RBFOX1: variants seen among roughly 807,000 people sequenced by gnomAD.
RBFOX1 encodes the protein RNA binding protein fox-1 homolog 1.
RBFOX1 carries 8 observed loss-of-function variants against 57.7 expected under a neutral mutation model. That is an observed-to-expected ratio of 0.14 (90% confidence interval 0.08 to 0.25). RBFOX1 has a LOEUF of 0.25. Ranked by LOEUF, RBFOX1 falls within the 10% of genes least tolerant of loss-of-function variation. RBFOX1 has a pLI of 1.00. For missense variants in RBFOX1, 611 were observed against 548.5 expected (o/e 1.11, Z -1.14); for synonymous variants, 326 against 222.4 (o/e 1.47, Z -4.15).
At chr16:6,686,701 A>G (rs1281413944) in intron 3 of RBFOX1, among the ~76,000 whole-genome samples, 4 of 152,152 alleles carry the variant, frequency 2.6e-5, no homozygotes, top group Non-Finnish European at 2.9e-5. Flanking sequence ...AAGGGAACGC[A>G]ATTGTGAGAC....
At chr16:5,462,291 C>T (rs1218011718) in intron 1 of RBFOX1, among the ~76,000 whole-genome samples, 2 of 151,786 alleles carry the variant, frequency 1.3e-5, no homozygotes, top group African/African-American at 4.8e-5. Context: ...GCCTCAGCCT[C>T]CCGAGTAGCT....
At chr16:6,961,166 A>C (rs541968372) in intron 3 of RBFOX1, among the ~76,000 whole-genome samples, 348 of 37,960 alleles carry the variant, frequency 9.2e-3, no homozygotes, top group Non-Finnish European at 0.017. Flanking sequence ...CACACACGCA[A>C]AAGAAAGAAA....
chr16:5,486,637 G>C (rs183980809), intron 2 of RBFOX1, among the ~76,000 whole-genome samples: 25 of 152,258 alleles, frequency 1.6e-4, no homozygotes, highest in Non-Finnish European at 3.1e-4. Context: ...TCCCCCATTA[G>C]CTTGACTTGT....
chr16:7,094,737 T>C lies in RBFOX1; in HGVS notation c.27+42639T>C, dbSNP rs563509184. 3.1e-5 allele frequency among the ~76,000 whole-genome samples: 4 copies of C among 128,720 alleles called. No individual in the cohort carries two copies. In the South Asian group the frequency reaches 1.2e-3, roughly 38 times the overall value. 84.4% of individuals were successfully genotyped at this position (128,720 alleles called of 152,430 possible). A position where few individuals can be genotyped will look rare whatever the true frequency, so the allele number is the denominator to read the frequency against. On this transcript the variant is annotated intron_variant, in intron 4 of 15. Transcript: ENST00000550418. ...CTGATGAACTGAAATAAGGGCAGAC[T>C]GTACAGCTGTGTGTGTGTGTGTGTG...
chr16:6,994,422 C>G (rs2091961126), intron 3 of RBFOX1, among the ~76,000 whole-genome samples: 4 of 152,198 alleles, frequency 2.6e-5, no homozygotes, highest in Non-Finnish European at 1.5e-5. Flanking sequence ...TTCAGGCACC[C>G]AATTGTAAAA....
chr16:7,132,244 G>T (rs988806076), intron 4 of RBFOX1, among the ~76,000 whole-genome samples: 2 of 151,952 alleles, frequency 1.3e-5, no homozygotes, highest in Non-Finnish European at 2.9e-5. Context: ...GCCTCCCAAA[G>T]TGCTGGGATT....
In RBFOX1 at chr16:5,424,908, T is replaced by TCTCTC. The variant is rs1453822368; in HGVS notation, c.220-42308_220-42307insCTCTC. On this transcript the variant is annotated intron_variant, in intron 1 of 2. Transcript: ENST00000585867. ...CTTTCTTTCTTTCTTTCTTTCTTTC[T>TCTCTC]TTCTTTCTTTCTTTCTTTCTTTCTT... Among the ~76,000 whole-genome samples, 93 of 105,672 alleles carry TCTCTC rather than the reference T, an allele frequency of 8.8e-4. 2 individuals carry two copies. Among genetic ancestry groups the TCTCTC allele is most frequent in the African/African-American group, 2.6e-3 (66 of 24,934 alleles). 69.3% of individuals were successfully genotyped at this position (105,672 alleles called of 152,430 possible). A position where few individuals can be genotyped will look rare whatever the true frequency, so the allele number is the denominator to read the frequency against.
At chr16:7,007,747 T>C (rs1301388534) in intron 3 of RBFOX1, among the ~76,000 whole-genome samples, 1 of 152,212 alleles carries the variant, frequency 6.6e-6, no homozygotes, top group Non-Finnish European at 1.5e-5. Flanking sequence ...AATCATCTCA[T>C]TTCCCTACAT....
chr16:7,103,857 C>G (rs965421583), intron 4 of RBFOX1, among the ~76,000 whole-genome samples: 11 of 152,098 alleles, frequency 7.2e-5, no homozygotes, highest in African/African-American at 2.7e-4. Flanking sequence ...GTACTATTAC[C>G]TAGTGATACC....
chr16:6,568,012 G>C (rs2097291476), intron 2 of RBFOX1, among the ~76,000 whole-genome samples: 1 of 152,090 alleles, frequency 6.6e-6, no homozygotes, highest in Non-Finnish European at 1.5e-5. Context: ...TGTAGAGGTA[G>C]GGTCTGACTA....
chr16:7,633,665 G>A (rs1387568291), intron 11 of RBFOX1, among the ~76,000 whole-genome samples: 1 of 152,138 alleles, frequency 6.6e-6, no homozygotes, highest in Non-Finnish European at 1.5e-5. Context: ...GCATTCAGAT[G>A]GTCAATCTCG....
intron 4 of RBFOX1, among the ~76,000 whole-genome samples, chr16:7,165,758 G>C (rs965417286): frequency 2.0e-5 from 3 of 151,868 alleles, no homozygotes; most frequent in Non-Finnish European, 4.4e-5. Context: ...ATTTAACTTT[G>C]TTCTCCAATT....
chr16:5,572,155 C>T (rs1280135877), intron 2 of RBFOX1, among the ~76,000 whole-genome samples: 2 of 152,126 alleles, frequency 1.3e-5, no homozygotes, highest in Non-Finnish European at 2.9e-5. Context: ...CTAGGTGGTC[C>T]GTGGAGCCAT....
At chr16:6,230,178 A>G (rs2097448034) in intron 1 of RBFOX1, among the ~76,000 whole-genome samples, 1 of 152,228 alleles carries the variant, frequency 6.6e-6, no homozygotes, top group Admixed American at 6.5e-5. Flanking sequence ...TGCTAGAAGC[A>G]TAGAAGAGAT....
chr16:6,167,808 A>G (rs556661924), intron 1 of RBFOX1, among the ~76,000 whole-genome samples: 2 of 152,260 alleles, frequency 1.3e-5, no homozygotes, highest in African/African-American at 4.8e-5. Flanking sequence ...CAGAAGATGT[A>G]GGGTGCCCCA....
intron 2 of RBFOX1, among the ~76,000 whole-genome samples, chr16:6,386,020 C>T (rs1454536252): frequency 1.3e-5 from 2 of 151,698 alleles, no homozygotes; most frequent in Admixed American, 6.6e-5. Context: ...ACTGCAAGCT[C>T]CGCCTCCCGG....
Position 7,149,913 on chromosome 16 carries a change from C to T in RBFOX1, c.27+97815C>T, listed in dbSNP as rs140518365. 4.3e-3 allele frequency among the ~76,000 whole-genome samples: 661 copies of T among 152,302 alleles called. 2 individuals carry two copies. Among genetic ancestry groups the T allele is most frequent in the African/African-American group, 0.015 (633 of 41,568 alleles). On this transcript the variant is annotated intron_variant, in intron 4 of 15. Coordinates refer to ENST00000550418, the MANE Select transcript of RBFOX1 (RefSeq NM_018723.4). ...CTCACTGTCTCATCTAAACTCCAGC[C>T]ACATCCCGTGGCTTGTTATTTGCAA...
intron 4 of RBFOX1, among the ~76,000 whole-genome samples, chr16:7,337,625 G>C (rs2096816352): frequency 6.6e-6 from 1 of 152,098 alleles, no homozygotes; most frequent in Non-Finnish European, 1.5e-5. Context: ...CAAAAGAATG[G>C]GCTTCATCTA....
At chr16:6,088,862 C>A (rs74591336) in intron 1 of RBFOX1, among the ~76,000 whole-genome samples, 2,080 of 152,074 alleles carry the variant, frequency 0.014, 35 homozygotes, top group East Asian at 0.053. Flanking sequence ...TTTGGGAGAC[C>A]AAGGCGGGCA....
Sources: gnomAD v4.1 joint callset for allele counts (sites outside exome capture counted in the v4.1 genomes callset) on GRCh38, gnomAD v4.1.1 for gene constraint, MANE v1.5 for transcripts, NCBI Gene and HGNC (gene_info 2026-07-23, HGNC 2026-07-21) for gene names.